Variants in TASOR2 observed in about 807,000 individuals in gnomAD.
The protein encoded by TASOR2 is transcription activation suppressor family member 2, also known as protein TASOR 2.
Under a neutral mutation model 199.5 loss-of-function variants are expected in TASOR2, and 84 were observed. The observed-to-expected ratio is 0.42, with a 90% CI of 0.35 to 0.50. The LOEUF is 0.50. Among genes scored for constraint, TASOR2 ranks in the 20% least tolerant of loss-of-function variants. The pLI, the probability that TASOR2 is intolerant of heterozygous loss-of-function variation, is 0.02. For synonymous variants in TASOR2, 1,103 were observed against 1,046.6 expected, an observed-to-expected ratio of 1.05 and a Z score of -1.04; for missense variants, 2,796 against 2,835.9, an observed-to-expected ratio of 0.99 and a Z score of 0.32.
At chr10:5,714,582 A>C (rs773153985) in intron 2 of TASOR2, 228 of 159,354 alleles carry the variant, frequency 1.4e-3, no homozygotes, top group Non-Finnish European at 1.8e-3. Context: ...GAGGTACATA[A>C]GAAGAGAAGC....
At chr10:5,763,303 T>G (rs1840165958) in exon 21 of TASOR2, 1 of 347,460 alleles carries the variant, frequency 2.9e-6, no homozygotes, top group East Asian at 4.6e-5. Flanking sequence ...TTGAGCTTAT[T>G]AAAAATAATT....
In TASOR2 at chr10:5,754,277, G is replaced by C. The variant is rs1794383306; in HGVS notation, c.6607-2336G>C. Among the ~76,000 whole-genome samples, 1 of 152,176 alleles carries C rather than the reference G, an allele frequency of 6.6e-6. No homozygotes were observed. Among genetic ancestry groups the C allele is most frequent in the South Asian group, 2.1e-4 (1 of 4,836 alleles). ...GCTCCCAGCCTGCCCGACAGAGTGA[G>C]ACTCCACAACAGAGCAGTAATCTTA... On this transcript the variant is annotated intron_variant, in intron 15 of 20. Coordinates refer to ENST00000328090, the Ensembl canonical transcript of TASOR2. The surrounding 1 kb of genome is among the most constrained non-coding windows in gnomAD (Gnocchi z 4.3).
At chr10:5,755,828 AC>A (rs1838850709) in intron 15 of TASOR2, among the ~76,000 whole-genome samples, 1 of 151,738 alleles carries the variant, frequency 6.6e-6, no homozygotes. Flanking sequence ...CTCCATTTCT[AC>A]CAAAAAGAAA....
At chr10:5,725,693 A>T (rs572846855) in intron 8 of TASOR2, among the ~76,000 whole-genome samples, 5 of 152,214 alleles carry the variant, frequency 3.3e-5, no homozygotes, top group Admixed American at 3.3e-4. Flanking sequence ...AGGTGGGAGG[A>T]TAGCTTGAGC....
chr10:5,712,849 A>C (rs1778414167), exon 2 of TASOR2: 1 of 1,230,950 alleles, frequency 8.1e-7, no homozygotes, highest in South Asian at 4.1e-5. Flanking sequence ...AACAAAAAAA[A>C]GCAAGTAGTT....
rs1239287975 is a variant in TASOR2 at position 5,754,570 on chromosome 10, A to G, written c.6607-2043A>G. 6.6e-6 allele frequency among the ~76,000 whole-genome samples: 1 copy of G among 151,908 alleles called. No individual in the cohort carries two copies. Among genetic ancestry groups the G allele is most frequent in the African/African-American group, 2.4e-5 (1 of 41,354 alleles). On this transcript the variant is annotated intron_variant, in intron 15 of 20. Transcript: ENST00000328090. This position sits in a 1 kb window ranked among gnomAD's most constrained non-coding sequence, Gnocchi z 4.3. Reference sequence around the variant, plus strand: ...ATGCCTGGCTAATTTTTGTATTTTTAGTAGAGATGGGGTTTCACCATGTTG... The same window carrying G: ...ATGCCTGGCTAATTTTTGTATTTTTGGTAGAGATGGGGTTTCACCATGTTG...
chr10:5,747,061 A>T, exon 15 of TASOR2: 1 of 1,614,064 alleles, frequency 6.2e-7, no homozygotes, highest in African/African-American at 1.3e-5. Flanking sequence ...AGCCTCTACC[A>T]CCTTGGGAAG....
rs1836000886 is a variant in TASOR2, at chr10:5,738,978, A to G, written c.1448-640A>G. ...TAAAAGGTCAATGTTTTTGGTAATG[A>G]AAGTAAAATTTTAAAAGGTAATGGA... On this transcript the variant is annotated intron_variant, in intron 12 of 20. Transcript: ENST00000328090. The surrounding 1 kb of genome is among the most constrained non-coding windows in gnomAD (Gnocchi z 4.7). Among the ~76,000 whole-genome samples, 1 of 152,242 alleles carries G rather than the reference A, an allele frequency of 6.6e-6. No individual in the cohort carries two copies. The highest frequency in any genetic ancestry group is 6.5e-5 in the Admixed American group (1 of 15,286).
In TASOR2 at chr10:5,762,526, T is replaced by TTTTTAAAAAA; in HGVS notation, c.7175-6_7175-5insTTTTAAAAAA. The TTTTTAAAAAA allele has an allele frequency of 2.9e-6, 2 of 699,660 alleles. No individual in the cohort carries two copies. 43.3% of individuals were successfully genotyped at this position (699,660 alleles called of 1,614,324 possible). Reference sequence around the variant, plus strand: ...ACCAAAAGTTGTTTTTTTTTTTTTTTAACAGACAAGCCTACTATCCCCAGA... The same window carrying TTTTTAAAAAA: ...ACCAAAAGTTGTTTTTTTTTTTTTTTTTTTAAAAAAAACAGACAAGCCTACTATCCCCAGA... On this transcript the variant is annotated splice_region_variant and splice_polypyrimidine_tract_variant and intron_variant, in intron 19 of 20. Transcript: ENST00000328090.
At position 5,750,731 on chromosome 10, in the gene TASOR2, C is replaced by A. The variant is rs189660499; in HGVS notation, c.6606+704C>A. Among the ~76,000 whole-genome samples, 1 of 152,188 alleles carries A rather than the reference C, an allele frequency of 6.6e-6. No homozygotes were observed. The highest frequency in any genetic ancestry group is 1.5e-5 in the Non-Finnish European group (1 of 68,038). ...ACCATTTGCAAATGTGTTGCACACA[C>A]AGTGTCCCATTACCTCTTGATACTT... On this transcript the variant is annotated intron_variant, in intron 15 of 20. Transcript: ENST00000328090. The surrounding 1 kb of genome is among the most constrained non-coding windows in gnomAD (Gnocchi z 5.4).
rs766958055 is a variant in TASOR2, at chr10:5,737,416, A to G, written c.1447+1870A>G. Among the ~76,000 whole-genome samples the G allele has an allele frequency of 6.6e-6, 1 of 151,290 alleles. No individual in the cohort carries two copies. Among genetic ancestry groups the G allele is most frequent in the African/African-American group, 2.4e-5 (1 of 41,128 alleles). On this transcript the variant is annotated intron_variant, in intron 12 of 20. Transcript: ENST00000328090. This position sits in a 1 kb window ranked among gnomAD's most constrained non-coding sequence, Gnocchi z 4.9. ...CCCATATGCTGCAGTTTTGGCTTCCATACCAGATTTGAGCTCTTCTGCTTG... is the reference window on the plus strand; with the variant it reads ...CCCATATGCTGCAGTTTTGGCTTCCGTACCAGATTTGAGCTCTTCTGCTTG...
At chr10:5,697,861 G>T (rs968896600) in intron 1 of TASOR2, among the ~76,000 whole-genome samples, 6 of 151,998 alleles carry the variant, frequency 3.9e-5, no homozygotes, top group African/African-American at 1.4e-4. Context: ...GTGACTGTCT[G>T]GTAGATGGTA....
intron 1 of TASOR2, among the ~76,000 whole-genome samples, chr10:5,707,778 CT>C (rs1205808489): frequency 7.3e-6 from 1 of 137,780 alleles, no homozygotes; most frequent in Non-Finnish European, 1.5e-5. Context: ...ACACACACTT[CT>C]TCTGAACCAT....
rs539969775 is a variant in TASOR2, at chr10:5,746,171, C to T, written c.2758-8C>T. On this transcript the variant is annotated splice_polypyrimidine_tract_variant and splice_region_variant and intron_variant, in intron 14 of 20. Transcript: ENST00000328090. The stretch of plus-strand genomic sequence containing the variant: ...GATTTTTTTTTTTTTTTACTTTGGC[C>T]GTTTCAGGTAACTGGGGAAGAAGCT... 2.2e-5 allele frequency: 33 copies of T among 1,493,912 alleles called. No homozygotes were observed. The South Asian group carries it at 2.9e-4, about 13-fold the overall frequency. The allele number at this position is 1,493,912 out of a possible 1,614,324, so 92.5% of individuals were successfully genotyped here.
At position 5,685,922 on chromosome 10, in the gene TASOR2, A is replaced by G. The variant is rs116522436; in HGVS notation, c.-288+747A>G. On this transcript the variant is annotated intron_variant, in intron 1 of 20. Coordinates refer to ENST00000328090, the Ensembl canonical transcript of TASOR2. This position sits in a 1 kb window ranked among gnomAD's most constrained non-coding sequence, Gnocchi z 5.4. ...ATGAAAGTGTATCCAAAACTTAAATATGTGGCGTACAAGTGTATGGTATTA... is the reference window on the plus strand; with the variant it reads ...ATGAAAGTGTATCCAAAACTTAAATGTGTGGCGTACAAGTGTATGGTATTA... Among the ~76,000 whole-genome samples the G allele has an allele frequency of 2.8e-3, 424 of 152,322 alleles. No homozygotes were observed. The highest frequency in any genetic ancestry group is 9.6e-3 in the African/African-American group (401 of 41,564).
In TASOR2 at chr10:5,747,961, T is replaced by A. The variant is rs376069715; in HGVS notation, c.4540T>A (p.Phe1514Ile). ...AAGTGAGCATGATGAGGGTTTATCT[T>A]TCTCAGGAAAGGTGCAGTGCTATGG... The change falls in exon 15 of 21, where the codon TTC becomes ATC. Residue 1514 changes from phenylalanine (F) to isoleucine (I), a missense_variant. Phe to Ile is a conservative substitution (Grantham distance 21). This residue lies in a region of TASOR2 where 1,941 missense variants were observed against 1,924.9 expected (regional missense o/e 1.01). Transcript: ENST00000328090. 61 of 1,613,850 alleles carry A rather than the reference T, an allele frequency of 3.8e-5. No individual in the cohort carries two copies. The African/African-American group carries it at 5.9e-4, about 16-fold the overall frequency.
chr10:5,750,066 C>T lies in TASOR2; in HGVS notation c.6606+39C>T. Reference sequence around the variant, plus strand: ...CACGTCTTACGTATTATTTTAATTGCTGATTTTAGTTTTAGAAATAATAAA... The same window carrying T: ...CACGTCTTACGTATTATTTTAATTGTTGATTTTAGTTTTAGAAATAATAAA... On this transcript the variant is annotated intron_variant, in intron 15 of 20. Transcript: ENST00000328090. This position sits in a 1 kb window ranked among gnomAD's most constrained non-coding sequence, Gnocchi z 5.4. 6.6e-7 allele frequency: 1 copy of T among 1,524,840 alleles called. No homozygotes were observed. The allele number at this position is 1,524,840 out of a possible 1,614,324, so 94.5% of individuals were successfully genotyped here.
At position 5,737,568 on chromosome 10, in the gene TASOR2, C is replaced by T. The variant is rs764364819; in HGVS notation, c.1447+2022C>T. 1.3e-5 allele frequency among the ~76,000 whole-genome samples: 2 copies of T among 152,124 alleles called. No homozygotes were observed. The highest frequency in any genetic ancestry group is 4.8e-5 in the African/African-American group (2 of 41,410). On this transcript the variant is annotated intron_variant, in intron 12 of 20. Transcript: ENST00000328090. This position sits in a 1 kb window ranked among gnomAD's most constrained non-coding sequence, Gnocchi z 4.9. ...CAGGCAACCTCTGCCCTTCAGGGGC[C>T]TGCAGCTAGATTTATCCCCACAGGG...
At chr10:5,696,007 T>C (rs1564251027) in intron 1 of TASOR2, among the ~76,000 whole-genome samples, 1 of 152,166 alleles carries the variant, frequency 6.6e-6, no homozygotes, top group Non-Finnish European at 1.5e-5. Flanking sequence ...CTCTCTCCTC[T>C]ACCTTGACGG....
Sources: allele counts gnomAD v4.1 joint callset (sites outside exome capture counted in the v4.1 genomes callset), GRCh38; gene constraint gnomAD v4.1.1; regional missense constraint gnomAD v4.1.1; non-coding constraint Gnocchi (gnomAD v3.1); transcripts MANE v1.5; gene names NCBI Gene and HGNC (gene_info 2026-07-23, HGNC 2026-07-21).